KCNJ6: variants seen among roughly 807,000 people sequenced by gnomAD.
The protein encoded by KCNJ6 is G protein-activated inward rectifier potassium channel 2.
Under a neutral mutation model 34.2 loss-of-function variants are expected in KCNJ6, and 9 were observed. The observed-to-expected ratio is 0.26, with a 90% CI of 0.16 to 0.46. KCNJ6 has a LOEUF of 0.46. KCNJ6 is among the 20% of genes least tolerant of loss of function. KCNJ6 has a pLI of 1.00. For synonymous variants in KCNJ6, 196 were observed against 207.1 expected (o/e 0.95, Z 0.46); for missense variants, 236 against 531.3 (o/e 0.44, Z 5.46).
intron 3 of KCNJ6, among the ~76,000 whole-genome samples, chr21:37,680,587 A>T (rs754521238): frequency 9.9e-5 from 15 of 152,234 alleles, no homozygotes; most frequent in Admixed American, 2.6e-4. Flanking sequence ...CCCTTATTCA[A>T]TCTGCTGAAG....
intron 3 of KCNJ6, among the ~76,000 whole-genome samples, chr21:37,673,587 C>T (rs1477205432): frequency 2.0e-5 from 3 of 152,340 alleles, no homozygotes; most frequent in East Asian, 1.9e-4. Context: ...TCATCACACA[C>T]CTGTTGTGGA....
At chr21:37,802,002 CT>C (rs1183729621) in intron 2 of KCNJ6, among the ~76,000 whole-genome samples, 6 of 152,302 alleles carry the variant, frequency 3.9e-5, no homozygotes, top group African/African-American at 1.4e-4. Context: ...AATTATACAA[CT>C]TGTGAGTGGT....
At chr21:37,712,991 T>C (rs1312904162) in intron 3 of KCNJ6, among the ~76,000 whole-genome samples, 1 of 152,114 alleles carries the variant, frequency 6.6e-6, no homozygotes, top group African/African-American at 2.4e-5. Context: ...GCTCCTACCA[T>C]TGAGCTCCAT....
At chr21:37,655,212 TGTGTGTGTGTGTGAGAGAGAGAGAGA>T (rs2054453900) in intron 3 of KCNJ6, among the ~76,000 whole-genome samples, 54 of 60,102 alleles carry the variant, frequency 9.0e-4, no homozygotes, top group Admixed American at 3.0e-3. Flanking sequence ...TGTGTGTGTG[TGTGTGTGTGTGTGAGAGAGAGAGAGA>T]GAGAGAGAGA....
At chr21:37,803,503 A>G (rs1191205527) in intron 2 of KCNJ6, among the ~76,000 whole-genome samples, 1 of 152,150 alleles carries the variant, frequency 6.6e-6, no homozygotes, top group Non-Finnish European at 1.5e-5. Flanking sequence ...ATAATTCCTG[A>G]CACTCTAATT....
chr21:37,782,665 C>G (rs2835956), intron 2 of KCNJ6, among the ~76,000 whole-genome samples: 91,787 of 151,952 alleles, frequency 0.6, 29,803 homozygotes, highest in African/African-American at 0.85. Context: ...ATCTGTATTG[C>G]TACTAACTTT....
At chr21:37,894,609 A>C (rs1259810993) in intron 1 of KCNJ6, among the ~76,000 whole-genome samples, 1 of 152,172 alleles carries the variant, frequency 6.6e-6, no homozygotes, top group African/African-American at 2.4e-5. Context: ...GGTTGCAATG[A>C]GCTGAGTTCG....
intron 1 of KCNJ6, among the ~76,000 whole-genome samples, chr21:37,865,346 A>AT (rs2055617427): frequency 6.6e-6 from 1 of 152,172 alleles, no homozygotes; most frequent in African/African-American, 2.4e-5. Flanking sequence ...TTATGCAAAT[A>AT]TTTTCAGATA....
intron 2 of KCNJ6, among the ~76,000 whole-genome samples, chr21:37,732,107 C>T (rs1569453668): frequency 6.6e-6 from 1 of 152,114 alleles, no homozygotes; most frequent in Non-Finnish European, 1.5e-5. Context: ...GGGAAGCAAC[C>T]AGTAGAAATG....
Position 37,684,449 on chromosome 21 carries a change from T to G in KCNJ6, c.946+29762A>C, listed in dbSNP as rs566279400. The stretch of plus-strand genomic sequence containing the variant: ...ACTAATTACATCTGCAATGGGCCTA[T>G]TTCCCAATAAGATCATATTCTTAGG... On this transcript the variant is annotated intron_variant, in intron 3 of 3. Coordinates refer to ENST00000609713, the MANE Select transcript of KCNJ6 (RefSeq NM_002240.5). Among the ~76,000 whole-genome samples, 26 of 152,300 alleles carry G rather than the reference T, an allele frequency of 1.7e-4. 1 individual carries two copies. The South Asian group carries it at 5.4e-3, about 32-fold the overall frequency.
chr21:37,818,374 G>A (rs973398710), intron 2 of KCNJ6, among the ~76,000 whole-genome samples: 5 of 152,062 alleles, frequency 3.3e-5, no homozygotes, highest in Admixed American at 6.6e-5. Context: ...TCTAAAAGGC[G>A]GGCAGGGACT....
chr21:37,889,720 A>G (rs1014328529), intron 1 of KCNJ6, among the ~76,000 whole-genome samples: 3 of 152,210 alleles, frequency 2.0e-5, no homozygotes, highest in Non-Finnish European at 4.4e-5. Context: ...AACCCTTGGC[A>G]TTCCTTGATG....
intron 1 of KCNJ6, among the ~76,000 whole-genome samples, chr21:37,899,050 A>G (rs1256950203): frequency 1.3e-5 from 2 of 152,344 alleles, no homozygotes; most frequent in Middle Eastern, 3.4e-3. Flanking sequence ...AAAAATGCAA[A>G]TATTTCCCTC....
At chr21:37,754,036 A>C (rs1020626104) in intron 2 of KCNJ6, among the ~76,000 whole-genome samples, 17 of 152,196 alleles carry the variant, frequency 1.1e-4, no homozygotes, top group Admixed American at 4.6e-4. Context: ...AGTTTTCTTG[A>C]ATTTTTGAAG....
intron 3 of KCNJ6, among the ~76,000 whole-genome samples, chr21:37,710,831 C>T (rs1287247835): frequency 2.0e-5 from 3 of 152,216 alleles, no homozygotes; most frequent in Non-Finnish European, 4.4e-5. Flanking sequence ...GCCCATGTGT[C>T]AGGAACATAA....
At chr21:37,684,348 A>ATTTT (rs35320914) in intron 3 of KCNJ6, among the ~76,000 whole-genome samples, 2 of 147,408 alleles carry the variant, frequency 1.4e-5, no homozygotes, top group Non-Finnish European at 1.5e-5. Flanking sequence ...TTTCCACTCC[A>ATTTT]TTTTTTTTTT....
intron 3 of KCNJ6, among the ~76,000 whole-genome samples, chr21:37,710,862 ATCTGCAGATGAGACACAGCCAAC>A (rs1458838853): frequency 6.6e-6 from 1 of 152,186 alleles, no homozygotes; most frequent in Non-Finnish European, 1.5e-5. Flanking sequence ...TTAAAAATAT[ATCTGCAGATGAGACACAGCCAAC>A]TCCTAGATGT....
At chr21:37,781,960 G>A (rs1031910191) in intron 2 of KCNJ6, among the ~76,000 whole-genome samples, 1 of 152,186 alleles carries the variant, frequency 6.6e-6, no homozygotes, top group East Asian at 1.9e-4. Context: ...CTGTGAACAT[G>A]TTACTTTACA....
intron 2 of KCNJ6, among the ~76,000 whole-genome samples, chr21:37,829,474 C>A (rs1301855541): frequency 2.6e-5 from 4 of 152,144 alleles, no homozygotes; most frequent in Non-Finnish European, 5.9e-5. Context: ...GTCACCTGGG[C>A]ACCCCACTGG....
Sources: gnomAD v4.1 joint callset for allele counts (sites outside exome capture counted in the v4.1 genomes callset) on GRCh38, gnomAD v4.1.1 for gene constraint, MANE v1.5 for transcripts, NCBI Gene and HGNC (gene_info 2026-07-23, HGNC 2026-07-21) for gene names.